The following TNPO3 variants were observed in gnomAD, a reference collection of about 807,000 sequenced individuals.
The protein encoded by TNPO3 is transportin-3.
In TNPO3, 65 loss-of-function variants were observed where a neutral mutation model predicts 122.8. That is an observed-to-expected ratio of 0.53 (90% CI 0.43 to 0.65). TNPO3 has a LOEUF of 0.65. Ranked by LOEUF, TNPO3 falls within the 30% of genes least tolerant of loss-of-function variation. The probability of loss-of-function intolerance (pLI) is 0.00; values close to 1 mark genes in which losing one functional copy is unlikely to be tolerated. For missense variants in TNPO3, 850 were observed against 1,136.7 expected (o/e 0.75, Z 3.63); for synonymous variants, 372 against 411.2 (o/e 0.90, Z 1.15).
chr7:128,960,932 T>A (rs1191010554), intron 21 of TNPO3, among the ~76,000 whole-genome samples: 1 of 152,052 alleles, frequency 6.6e-6, no homozygotes, highest in African/African-American at 2.4e-5. Context: ...GCTAATTTTT[T>A]AAATTTTTAG....
chr7:129,034,580 G>T (rs548644308), intron 1 of TNPO3, among the ~76,000 whole-genome samples: 1 of 152,142 alleles, frequency 6.6e-6, no homozygotes, highest in African/African-American at 2.4e-5. Context: ...ATTTCAAAGA[G>T]ATCTGTCCCT....
chr7:128,977,689 C>T (rs1248126942), intron 16 of TNPO3, among the ~76,000 whole-genome samples: 19 of 151,564 alleles, frequency 1.3e-4, no homozygotes, highest in African/African-American at 3.6e-4. Context: ...CTCCACCCTC[C>T]GGGTTCAAAT....
Position 129,024,269 on chromosome 7 carries a change from C to T in TNPO3, c.121-6112G>A, listed in dbSNP as rs1039125832. The stretch of plus-strand genomic sequence containing the variant: ...AGACTACATGGAAAGCTAGAGGGGC[C>T]GAACTGAATCCAGGCTTCCAGTCAT... On this transcript the variant is annotated intron_variant, in intron 1 of 22. Transcript: ENST00000265388. Among the ~76,000 whole-genome samples, 6 of 152,218 alleles carry T rather than the reference C, an allele frequency of 3.9e-5. No homozygotes were observed. The South Asian group carries it at 1.0e-3, about 26-fold the overall frequency.
chr7:128,964,927 A>T (rs942995537), intron 21 of TNPO3, among the ~76,000 whole-genome samples: 3 of 152,204 alleles, frequency 2.0e-5, no homozygotes, highest in Admixed American at 1.3e-4. Context: ...CTAATACCAC[A>T]TACAAAAATT....
At chr7:128,979,776 T>C (rs1799446669) in intron 15 of TNPO3, among the ~76,000 whole-genome samples, 195 bp downstream of exon 15, 1 of 152,208 alleles carries the variant, frequency 6.6e-6, no homozygotes. Flanking sequence ...AGGCATTCCC[T>C]TGCAGCCTGT....
intron 4 of TNPO3, among the ~76,000 whole-genome samples, chr7:129,008,900 T>C (rs1802879424): frequency 6.6e-6 from 1 of 152,226 alleles, no homozygotes; most frequent in South Asian, 2.1e-4. Context: ...TTCTAACTAT[T>C]GACTCAAACT....
In TNPO3 at chr7:128,999,575, T is replaced by TC. The variant is rs1801699518; in HGVS notation, c.1011+853_1011+854insG. ...CCATCAAGGATCCAAAACAGAGCTA[T>TC]TTAAAACAATGCCCAACTTGGGAGC... On this transcript the variant is annotated intron_variant, in intron 7 of 22. Transcript: ENST00000265388. Among the ~76,000 whole-genome samples, 5 of 151,826 alleles carry TC rather than the reference T, an allele frequency of 3.3e-5. No individual in the cohort carries two copies. The South Asian group carries it at 1.0e-3, about 32-fold the overall frequency.
chr7:128,997,895 T>A (rs1388102873), intron 7 of TNPO3, among the ~76,000 whole-genome samples: 2 of 152,046 alleles, frequency 1.3e-5, no homozygotes, highest in Non-Finnish European at 2.9e-5. Flanking sequence ...TAGAGTGCAG[T>A]GGAATGAACA....
chr7:129,040,240 G>A (rs988181214), intron 1 of TNPO3, among the ~76,000 whole-genome samples: 24 of 149,190 alleles, frequency 1.6e-4, no homozygotes, highest in African/African-American at 5.7e-4. Flanking sequence ...GGGCAACAGG[G>A]CGAGACGCCA....
intron 1 of TNPO3, among the ~76,000 whole-genome samples, chr7:129,023,521 C>T (rs1389777757): frequency 1.3e-5 from 2 of 152,064 alleles, no homozygotes; most frequent in African/African-American, 2.4e-5. Flanking sequence ...ATATTAAATA[C>T]ACAAGATGGG....
intron 1 of TNPO3, among the ~76,000 whole-genome samples, chr7:129,039,689 A>T (rs1012297791): frequency 2.0e-5 from 3 of 152,338 alleles, no homozygotes; most frequent in East Asian, 3.9e-4. Context: ...CCACTGACCA[A>T]TGAATGGATA....
chr7:128,966,955 T>C (rs1036937460), intron 21 of TNPO3, among the ~76,000 whole-genome samples: 3 of 152,210 alleles, frequency 2.0e-5, no homozygotes, highest in Admixed American at 2.0e-4. Flanking sequence ...GACCCCCGAA[T>C]GTGGATGAAA....
At chr7:128,967,908 C>T (rs1798078945) in intron 20 of TNPO3, among the ~76,000 whole-genome samples, 1 of 152,074 alleles carries the variant, frequency 6.6e-6, no homozygotes, top group African/African-American at 2.4e-5. Context: ...CATCAACATG[C>T]CTGGCTAATT....
chr7:128,985,427 T>G (rs1268520394), intron 12 of TNPO3, among the ~76,000 whole-genome samples: 1 of 152,136 alleles, frequency 6.6e-6, no homozygotes, highest in Admixed American at 6.6e-5. Flanking sequence ...AGACCCTGTC[T>G]CTATTAAAAA....
intron 5 of TNPO3, among the ~76,000 whole-genome samples, chr7:129,003,340 G>A (rs1349871219): frequency 9.0e-6 from 1 of 110,974 alleles, no homozygotes; most frequent in African/African-American, 3.6e-5. Flanking sequence ...GGGGAAAGTT[G>A]TACCAGAAAG....
chr7:129,028,749 T>C (rs1462508714), intron 1 of TNPO3: 1 of 223,076 alleles, frequency 4.5e-6, no homozygotes, highest in Admixed American at 5.9e-5. Flanking sequence ...GCTCTGAGAA[T>C]GTTTCCACTG....
intron 1 of TNPO3, among the ~76,000 whole-genome samples, chr7:129,031,077 G>A (rs554305162): frequency 6.6e-6 from 1 of 152,310 alleles, no homozygotes; most frequent in South Asian, 2.1e-4. Context: ...TTGAAGTCAG[G>A]AGTTCAAGAC....
At chr7:129,009,922 C>T (rs1258841) in intron 4 of TNPO3, among the ~76,000 whole-genome samples, 1 of 151,882 alleles carries the variant, frequency 6.6e-6, no homozygotes, top group Admixed American at 6.6e-5. Context: ...AGGAAACTGA[C>T]TGGTAAAGAA....
At chr7:128,958,993 G>C (rs1213414289) in intron 21 of TNPO3, among the ~76,000 whole-genome samples, 1 of 152,188 alleles carries the variant, frequency 6.6e-6, no homozygotes, top group Non-Finnish European at 1.5e-5. Context: ...AACAGAGTGA[G>C]ACCCTGTCTC....
Sources: allele counts gnomAD v4.1 joint callset (sites outside exome capture counted in the v4.1 genomes callset), GRCh38; gene constraint gnomAD v4.1.1; transcripts MANE v1.5; gene names NCBI Gene and HGNC (gene_info 2026-07-23, HGNC 2026-07-21).